Variants in MMP16 observed in about 807,000 individuals in gnomAD.
MMP16 encodes matrix metallopeptidase 16.
A neutral mutation model predicts 67.8 loss-of-function variants in MMP16; 12 were observed. That is an observed-to-expected ratio of 0.18 (90% CI 0.11 to 0.29). The LOEUF (loss-of-function observed/expected upper bound fraction) is 0.29, where lower values mean the gene tolerates loss of function less well. MMP16 is among the 10% of genes least tolerant of loss of function. MMP16 has a pLI of 1.00. For missense variants in MMP16, 475 were observed against 765.7 expected (o/e 0.62, Z 4.48); for synonymous variants, 249 against 255.9 (o/e 0.97, Z 0.26).
intron 4 of MMP16, among the ~76,000 whole-genome samples, chr8:88,133,838 A>G (rs1808075143): frequency 1.3e-5 from 2 of 151,840 alleles, no homozygotes; most frequent in African/African-American, 2.4e-5. Context: ...CATATTAATT[A>G]TAATCACTTT....
At chr8:88,070,191 T>C (rs1401777091) in intron 7 of MMP16, among the ~76,000 whole-genome samples, 1 of 152,184 alleles carries the variant, frequency 6.6e-6, no homozygotes, top group Admixed American at 6.6e-5. Flanking sequence ...GTATGCAAGA[T>C]ACTGTGAATT....
intron 3 of MMP16, among the ~76,000 whole-genome samples, chr8:88,178,615 G>A (rs1043423140): frequency 1.3e-5 from 2 of 151,982 alleles, no homozygotes; most frequent in African/African-American, 4.8e-5. Flanking sequence ...TATGTGGCAA[G>A]TTCTGCATAT....
intron 1 of MMP16, among the ~76,000 whole-genome samples, chr8:88,312,905 T>C (rs1335360289): frequency 6.6e-6 from 1 of 152,006 alleles, no homozygotes; most frequent in African/African-American, 2.4e-5. Context: ...AAGGCAGAGG[T>C]TGCAGTGAGC....
At chr8:88,231,623 G>A (rs911033226) in intron 1 of MMP16, among the ~76,000 whole-genome samples, 2 of 152,156 alleles carry the variant, frequency 1.3e-5, no homozygotes, top group African/African-American at 4.8e-5. Context: ...GTCACTGGGA[G>A]GCCACCTAGG....
chr8:88,191,955 G>A (rs1809175683), intron 2 of MMP16, among the ~76,000 whole-genome samples: 1 of 152,140 alleles, frequency 6.6e-6, no homozygotes. Flanking sequence ...AAAAGAAAAT[G>A]ACTGCCAAAT....
At chr8:88,236,894 A>C (rs187968006) in intron 1 of MMP16, among the ~76,000 whole-genome samples, 1 of 152,264 alleles carries the variant, frequency 6.6e-6, no homozygotes, top group Non-Finnish European at 1.5e-5. Flanking sequence ...AAGATTTCTC[A>C]TGCTACATAG....
intron 7 of MMP16, among the ~76,000 whole-genome samples, chr8:88,073,626 A>G (rs1043586874): frequency 1.3e-5 from 2 of 152,166 alleles, no homozygotes; most frequent in African/African-American, 4.8e-5. Flanking sequence ...CTTTCATTTG[A>G]TATAGGTAGT....
At position 88,327,088 on chromosome 8, in the gene MMP16, T is replaced by A; in HGVS notation, c.119A>T (p.Tyr40Phe). The A allele has an allele frequency of 6.2e-7, 1 of 1,613,916 alleles. No individual in the cohort carries two copies. Among genetic ancestry groups the A allele is most frequent in the Non-Finnish European group, 8.5e-7 (1 of 1,179,934 alleles). The change falls in exon 1 of 10, where the codon TAT (tyrosine) becomes TTT (phenylalanine). Residue 40 changes from tyrosine to phenylalanine, a missense_variant. Transcript: ENST00000286614. Reference sequence around the variant, plus strand: ...TCGCACTCTTACCTCCACATTGAAATACTGCTCCGTTCCGCAGACTGTAGC... The same window carrying A: ...TCGCACTCTTACCTCCACATTGAAAAACTGCTCCGTTCCGCAGACTGTAGC... ...LCATVCGTEQ[Y>F]FNVEVWLQKY...
At chr8:88,140,757 C>T (rs763838610) in intron 4 of MMP16, among the ~76,000 whole-genome samples, 23 of 151,922 alleles carry the variant, frequency 1.5e-4, no homozygotes, top group Non-Finnish European at 2.9e-4. Flanking sequence ...GAACTGCTGC[C>T]TACAAGAATT....
intron 1 of MMP16, among the ~76,000 whole-genome samples, chr8:88,273,993 T>C (rs535026529): frequency 6.6e-6 from 1 of 152,240 alleles, no homozygotes; most frequent in Non-Finnish European, 1.5e-5. Context: ...ATCATCATCA[T>C]CAACATTGCT....
intron 6 of MMP16, among the ~76,000 whole-genome samples, chr8:88,113,176 A>G (rs914298737): frequency 2.6e-5 from 4 of 151,862 alleles, no homozygotes; most frequent in Admixed American, 1.3e-4. Context: ...GTTGAGGAAC[A>G]CATTTCAATA....
rs1159217449 is a variant in MMP16, at chr8:88,041,229, CAAAG to C, written c.*228_*231del. 6 of 487,776 alleles carry C rather than the reference CAAAG, an allele frequency of 1.2e-5. No homozygotes were observed. The highest frequency in any genetic ancestry group is 1.8e-5 in the Non-Finnish European group (5 of 274,306). 30.2% of individuals were successfully genotyped at this position (487,776 alleles called of 1,614,324 possible). On this transcript the variant is annotated 3_prime_UTR_variant, in exon 10 of 10. Transcript: ENST00000286614. This position sits in a 1 kb window ranked among gnomAD's most constrained non-coding sequence, Gnocchi z 6.0. ...AGAGGAAAGGCCTAGAACTGAATGA[CAAAG>C]AAAGACAAAGGACTGAAGAACAGCA...
chr8:88,263,060 G>GA (rs1563577256), intron 1 of MMP16, among the ~76,000 whole-genome samples: 3 of 150,344 alleles, frequency 2.0e-5, no homozygotes, highest in Non-Finnish European at 4.4e-5. Context: ...AATAAAAAAA[G>GA]TTTTTTTTAA....
chr8:88,198,797 T>C (rs529847754), intron 1 of MMP16, among the ~76,000 whole-genome samples: 1 of 152,084 alleles, frequency 6.6e-6, no homozygotes, highest in Non-Finnish European at 1.5e-5. Flanking sequence ...AAACCTAATC[T>C]AGTAAACTCA....
intron 1 of MMP16, among the ~76,000 whole-genome samples, chr8:88,241,606 A>C (rs1396031324): frequency 1.3e-5 from 2 of 152,132 alleles, no homozygotes; most frequent in African/African-American, 2.4e-5. Flanking sequence ...TATTTATGGT[A>C]TATAACATGA....
intron 1 of MMP16, among the ~76,000 whole-genome samples, chr8:88,252,640 T>C (rs1810244181): frequency 3.4e-5 from 2 of 59,458 alleles, no homozygotes; most frequent in African/African-American, 5.5e-5. Flanking sequence ...GTTTTCCACC[T>C]CTTAGCAAAA....
intron 3 of MMP16, among the ~76,000 whole-genome samples, 200 bp from the exon 4 acceptor site, chr8:88,168,173 C>T (rs564942478): frequency 2.0e-5 from 3 of 152,142 alleles, no homozygotes; most frequent in Non-Finnish European, 2.9e-5. Context: ...TATTCATGTA[C>T]CAAAGTTTTA....
intron 4 of MMP16, among the ~76,000 whole-genome samples, chr8:88,161,918 G>T (rs1466559447): frequency 6.6e-6 from 1 of 152,060 alleles, no homozygotes. Context: ...TGGTCTGAGA[G>T]ACAGTTTGTT....
chr8:88,101,783 A>G (rs1439233507), intron 6 of MMP16, among the ~76,000 whole-genome samples: 1 of 151,904 alleles, frequency 6.6e-6, no homozygotes, highest in Non-Finnish European at 1.5e-5. Flanking sequence ...ATATTTGTAC[A>G]AAGAAAAGGA....
Sources: gnomAD v4.1 joint callset for allele counts (sites outside exome capture counted in the v4.1 genomes callset) on GRCh38, gnomAD v4.1.1 for gene constraint, Gnocchi (gnomAD v3.1) non-coding constraint, MANE v1.5 for transcripts, NCBI Gene and HGNC (gene_info 2026-07-23, HGNC 2026-07-21) for gene names.